Variants in QTGAL observed in about 807,000 individuals in gnomAD.
QTGAL encodes queuosine-tRNA galactosyltransferase.
At chr17:82,969,155 G>T in the QTGAL span, among the ~76,000 whole-genome samples, 1,678 of 149,490 alleles carry the variant, frequency 0.011, 37 homozygotes, top group African/African-American at 0.039. Flanking sequence ...AAAAAGAAAA[G>T]AAAATTTATT....
the QTGAL span, chr17:83,007,007 T>C: frequency 5.3e-6 from 2 of 377,832 alleles, no homozygotes; most frequent in Non-Finnish European, 7.3e-6. Context: ...CGGTTTTCAT[T>C]CCGTTCTGAT....
chr17:82,949,596 C>T, the QTGAL span: 2 of 152,164 alleles, frequency 1.3e-5, no homozygotes, highest in Admixed American at 6.5e-5. Context: ...CACAGGGAAC[C>T]GGTCGGCAGA....
At chr17:82,969,316 C>T in the QTGAL span, among the ~76,000 whole-genome samples, 3 of 152,062 alleles carry the variant, frequency 2.0e-5, no homozygotes, top group South Asian at 2.1e-4. Context: ...TGCACCACCA[C>T]GCCTGGCTGA....
the QTGAL span, among the ~76,000 whole-genome samples, chr17:83,046,878 A>G: frequency 1.3e-5 from 2 of 152,254 alleles, no homozygotes; most frequent in Non-Finnish European, 1.5e-5. Context: ...ACAACTGCAT[A>G]TCATCCTCCC....
the QTGAL span, among the ~76,000 whole-genome samples, chr17:82,973,290 AC>A: frequency 6.6e-6 from 1 of 152,074 alleles, no homozygotes; most frequent in African/African-American, 2.4e-5. Flanking sequence ...AAGATTGAAA[AC>A]ACCTGTGACC....
At chr17:83,031,905 T>A in the QTGAL span, among the ~76,000 whole-genome samples, 6 of 152,228 alleles carry the variant, frequency 3.9e-5, no homozygotes, top group Non-Finnish European at 5.9e-5. Context: ...CCAACGTCCT[T>A]CGAGGATGTT....
At chr17:83,005,701 G>A in the QTGAL span, 2 of 705,824 alleles carry the variant, frequency 2.8e-6, no homozygotes, top group African/African-American at 3.5e-5. The surrounding 1 kb of genome is among the most constrained non-coding windows in gnomAD (Gnocchi z 5.6). Context: ...GCTACCAGCT[G>A]GCTTCCTCCA....
At chr17:83,035,270 C>T in the QTGAL span, among the ~76,000 whole-genome samples, 2 of 151,946 alleles carry the variant, frequency 1.3e-5, no homozygotes, top group Non-Finnish European at 2.9e-5. Flanking sequence ...ACCTCCGCCT[C>T]CTGGGTCCAA....
chr17:83,034,521 C>G, the QTGAL span, among the ~76,000 whole-genome samples: 11 of 148,074 alleles, frequency 7.4e-5, no homozygotes, highest in Non-Finnish European at 1.3e-4. Context: ...GAATTAATAA[C>G]TGATAAGGTT....
At chr17:82,974,392 G>A in the QTGAL span, among the ~76,000 whole-genome samples, 2 of 152,208 alleles carry the variant, frequency 1.3e-5, no homozygotes, top group Admixed American at 1.3e-4. Context: ...AGGGCCCAGA[G>A]GTGGCTCAGT....
the QTGAL span, among the ~76,000 whole-genome samples, chr17:82,973,666 G>T: frequency 6.6e-6 from 1 of 152,234 alleles, no homozygotes; most frequent in Non-Finnish European, 1.5e-5. Flanking sequence ...AGCCTACACC[G>T]CGGGAACCAC....
At chr17:82,942,582 C>T in the QTGAL span, 1 of 1,414,848 alleles carries the variant, frequency 7.1e-7, no homozygotes, top group Non-Finnish European at 9.9e-7. Context: ...TAGCGCTGGC[C>T]CTTGGAGGCT....
the QTGAL span, among the ~76,000 whole-genome samples, chr17:82,971,083 G>A: frequency 6.6e-6 from 1 of 152,118 alleles, no homozygotes; most frequent in Non-Finnish European, 1.5e-5. Context: ...TGCACAAGGG[G>A]TCCCCTCGAG....
chr17:82,953,705 A>T, the QTGAL span, among the ~76,000 whole-genome samples: 1 of 152,194 alleles, frequency 6.6e-6, no homozygotes, highest in Non-Finnish European at 1.5e-5. Context: ...AACAAAAAAA[A>T]TTTCAGGCCA....
At chr17:83,017,482 G>A in the QTGAL span, among the ~76,000 whole-genome samples, 1 of 152,026 alleles carries the variant, frequency 6.6e-6, no homozygotes, top group Admixed American at 6.5e-5. Context: ...AATTCACCGA[G>A]TATGGTGCTG....
At chr17:83,026,579 G>A in the QTGAL span, among the ~76,000 whole-genome samples, 16 of 151,682 alleles carry the variant, frequency 1.1e-4, no homozygotes, top group Admixed American at 2.6e-4. Flanking sequence ...CACAGAGCAG[G>A]GCAGGGAGCC....
At chr17:82,973,218 G>A in the QTGAL span, among the ~76,000 whole-genome samples, 2 of 152,190 alleles carry the variant, frequency 1.3e-5, no homozygotes, top group Admixed American at 1.3e-4. Flanking sequence ...AATGAAAGCT[G>A]GAGACGCCCT....
the QTGAL span, among the ~76,000 whole-genome samples, chr17:83,033,890 C>T: frequency 1.3e-5 from 2 of 152,300 alleles, no homozygotes; most frequent in South Asian, 4.1e-4. Flanking sequence ...TGTACATCCA[C>T]TCTGAGAGTC....
At chr17:83,016,407 C>T in the QTGAL span, among the ~76,000 whole-genome samples, 6 of 151,384 alleles carry the variant, frequency 4.0e-5, no homozygotes, top group African/African-American at 1.5e-4. Flanking sequence ...CCTAGTGGGG[C>T]TGAAGAGAGG....
Sources: gnomAD v4.1 joint callset for allele counts (sites outside exome capture counted in the v4.1 genomes callset) on GRCh38, gnomAD v4.1.1 for gene constraint, Gnocchi (gnomAD v3.1) non-coding constraint, MANE v1.5 for transcripts, NCBI Gene and HGNC (gene_info 2026-07-23, HGNC 2026-07-21) for gene names.